The following ZNF783 variants were observed in gnomAD, a reference collection of about 807,000 sequenced individuals.
ZNF783 encodes zinc finger protein 783.
ZNF783 carries 25 observed loss-of-function variants against 31.3 expected under a neutral mutation model. That is an observed-to-expected ratio of 0.80 (90% CI 0.58 to 1.11). The LOEUF is 1.11. ZNF783 is among the 50% of genes most tolerant of loss of function. The pLI is 0.00. For synonymous variants in ZNF783, 369 were observed against 319.1 expected (o/e 1.16, Z -1.66); for missense variants, 797 against 760.0 (o/e 1.05, Z -0.57).
chr7:149,274,757 T>G (rs755609460), intron 4 of ZNF783, among the ~76,000 whole-genome samples: 13 of 152,248 alleles, frequency 8.5e-5, no homozygotes, highest in Non-Finnish European at 1.6e-4. Flanking sequence ...TGTTGTTCTA[T>G]TTGTCTTTTT....
chr7:149,280,421 T>C (rs1348846972), intron 5 of ZNF783, among the ~76,000 whole-genome samples: 1 of 129,294 alleles, frequency 7.7e-6, no homozygotes, highest in African/African-American at 2.9e-5. Context: ...GGGAGTGGGG[T>C]GGGGTTGGGG....
rs1406561647 is a variant in ZNF783 at position 149,284,751 on chromosome 7, C to T, written c.*2408C>T. 1 of 152,204 alleles carries T rather than the reference C, an allele frequency of 6.6e-6. No individual in the cohort carries two copies. Among genetic ancestry groups the T allele is most frequent in the East Asian group, 1.9e-4 (1 of 5,194 alleles). The allele number at this position is 152,204 out of a possible 1,614,324, so 9.4% of individuals were successfully genotyped here. ...CTTGTGAGTTTGCCTAGCACTCAGA[C>T]CTGTTTAAGTAACGTTCTTTACATT... On this transcript the variant is annotated 3_prime_UTR_variant, in exon 6 of 6. Transcript: ENST00000434415.
Position 149,281,673 on chromosome 7 carries a change from G to A in ZNF783, c.971G>A (p.Arg324Gln), listed in dbSNP as rs1364392893. The A allele has an allele frequency of 2.7e-6, 4 of 1,508,192 alleles. No homozygotes were observed. Among genetic ancestry groups the A allele is most frequent in the South Asian group, 1.3e-5 (1 of 76,744 alleles). 93.4% of individuals were successfully genotyped at this position (1,508,192 alleles called of 1,614,324 possible). ...CAGGCCCAGGGCATGCCCAGGGTGCGGGCAGGGGAGCCACGGCCACCGGGG... is the reference window on the plus strand; with the variant it reads ...CAGGCCCAGGGCATGCCCAGGGTGCAGGCAGGGGAGCCACGGCCACCGGGG... ...RHQAQGMPRV[R>Q]AGEPRPPGAS... Residue 324 changes from arginine to glutamine, a missense_variant, in exon 6 of 6, where the codon CGG (arginine) becomes CAG (glutamine). Arg to Gln is a conservative substitution (Grantham distance 43). Coordinates refer to ENST00000434415, the MANE Select transcript of ZNF783 (RefSeq NM_001195220.2).
intron 1 of ZNF783, among the ~76,000 whole-genome samples, chr7:149,265,796 T>G (rs1797048634): frequency 6.6e-6 from 1 of 152,214 alleles, no homozygotes; most frequent in Non-Finnish European, 1.5e-5. Flanking sequence ...CTTAATTCTC[T>G]CAGTGCTATT....
intron 1 of ZNF783, among the ~76,000 whole-genome samples, chr7:149,263,038 C>T (rs1258970570): frequency 6.6e-6 from 1 of 151,946 alleles, no homozygotes; most frequent in African/African-American, 2.4e-5. Flanking sequence ...AAGGGATTCT[C>T]CTGCCTCAGC....
At position 149,266,418 on chromosome 7, in the gene ZNF783, C is replaced by T. The variant is rs114002956; in HGVS notation, c.108C>T (p.Leu36=). ...CAGCTGCTGAGAAGAACTCGTACCT[C>T]TACTCCACGGAAATCACACTGTGGA... The part of the protein sequence containing the change: ...PQPAAEKNSY[L]YSTEITLWTV... Residue 36 remains leucine, a synonymous_variant, in exon 2 of 6, where the codon CTC becomes CTT. Transcript: ENST00000434415. 1 of 1,602,372 alleles carries T rather than the reference C, an allele frequency of 6.2e-7. No homozygotes were observed. The highest frequency in any genetic ancestry group is 8.5e-7 in the Non-Finnish European group (1 of 1,179,860).
In ZNF783 at chr7:149,282,451, A is replaced by T; in HGVS notation, c.*108A>T. 9.9e-7 allele frequency: 1 copy of T among 1,014,608 alleles called. No homozygotes were observed. Among genetic ancestry groups the T allele is most frequent in the Non-Finnish European group, 1.4e-6 (1 of 723,836 alleles). 62.9% of individuals were successfully genotyped at this position (1,014,608 alleles called of 1,614,324 possible). On this transcript the variant is annotated 3_prime_UTR_variant, in exon 6 of 6. Coordinates refer to ENST00000434415, the MANE Select transcript of ZNF783 (RefSeq NM_001195220.2). ...GAGGTTTGTTGTTTTTACCCATTCA[A>T]ATGGGAAGCTAGCTGCCCTTCTGGT...
intron 5 of ZNF783, among the ~76,000 whole-genome samples, chr7:149,281,112 C>A (rs1797456319): frequency 1.3e-5 from 2 of 152,202 alleles, no homozygotes; most frequent in African/African-American, 4.8e-5. Context: ...GGTTCATTGT[C>A]TTTCACAGAT....
At chr7:149,277,766 A>C (rs1797368178) in intron 4 of ZNF783, 1 of 152,142 alleles carries the variant, frequency 6.6e-6, no homozygotes, top group Admixed American at 6.6e-5. Context: ...TTCAAAAAAA[A>C]AAATCAGAGT....
At chr7:149,279,653 T>A (rs1394487236) in intron 5 of ZNF783, among the ~76,000 whole-genome samples, 19 of 143,888 alleles carry the variant, frequency 1.3e-4, no homozygotes, top group Middle Eastern at 3.5e-3. Context: ...TTTTTTTTTT[T>A]TAATTTTTTT....
At chr7:149,274,071 A>G (rs367880187) in intron 4 of ZNF783, among the ~76,000 whole-genome samples, 1 of 152,122 alleles carries the variant, frequency 6.6e-6, no homozygotes, top group African/African-American at 2.4e-5. Context: ...AAGCTTTTTA[A>G]CTTGATGTGA....
At chr7:149,278,178 G>A (rs1797377241) in intron 4 of ZNF783, 3 of 1,333,328 alleles carry the variant, frequency 2.3e-6, no homozygotes, top group South Asian at 1.7e-5. Flanking sequence ...GTGATTTCCT[G>A]TCTGCTGAAT....
intron 4 of ZNF783, among the ~76,000 whole-genome samples, chr7:149,273,272 G>C (rs1023987739): frequency 1.3e-5 from 2 of 152,136 alleles, no homozygotes; most frequent in Non-Finnish European, 2.9e-5. Flanking sequence ...ACTTAGCAGT[G>C]GGGTTTCTGG....
At chr7:149,268,752 T>G (rs1797145332) in intron 4 of ZNF783, among the ~76,000 whole-genome samples, 1 of 152,236 alleles carries the variant, frequency 6.6e-6, no homozygotes, top group South Asian at 2.1e-4. Context: ...GCCTTCAGCT[T>G]CATGTTGCTG....
chr7:149,266,770 C>T (rs979656850), intron 2 of ZNF783, 40 bp downstream of exon 2: 3 of 1,613,518 alleles, frequency 1.9e-6, no homozygotes, highest in Admixed American at 1.7e-5. Flanking sequence ...GCTCGAGGGG[C>T]TGAGCCTGTG....
In ZNF783 at chr7:149,267,104, A is replaced by AG. The variant is rs1305164417; in HGVS notation, c.555_556insG (p.Ile186AspfsTer19). ...TTCTTGTTCTGTGCACAGATTATGC[A>AG]ATCTCCAAACCAGACATCCTCACCC... On this transcript the variant is annotated frameshift_variant, in exon 4 of 6. Coordinates refer to ENST00000434415, the MANE Select transcript of ZNF783 (RefSeq NM_001195220.2). LOFTEE classifies it high-confidence loss of function. The AG allele has an allele frequency of 6.2e-7, 1 of 1,600,506 alleles. No homozygotes were observed. The highest frequency in any genetic ancestry group is 1.7e-5 in the Admixed American group (1 of 60,006).
intron 4 of ZNF783, among the ~76,000 whole-genome samples, chr7:149,276,880 G>A (rs1407139589): frequency 1.3e-5 from 2 of 150,898 alleles, no homozygotes; most frequent in East Asian, 3.9e-4. Context: ...ATGGAGTCTT[G>A]CTCTGTCGCC....
rs1797552280 is a variant in ZNF783 at position 149,284,307 on chromosome 7, C to G, written c.*1964C>G. The G allele has an allele frequency of 6.6e-6, 1 of 152,352 alleles. No individual in the cohort carries two copies. The highest frequency in any genetic ancestry group is 2.4e-5 in the African/African-American group (1 of 41,456). 9.4% of individuals were successfully genotyped at this position (152,352 alleles called of 1,614,324 possible). ...CTGACCCTCACACTTCTTCCAAAGT[C>G]TTGAGCAGAGTTGGGGGCCAATGGT... On this transcript the variant is annotated 3_prime_UTR_variant, in exon 6 of 6. Coordinates refer to ENST00000434415, the MANE Select transcript of ZNF783 (RefSeq NM_001195220.2).
chr7:149,281,880 T>C lies in ZNF783; in HGVS notation c.1178T>C (p.Met393Thr). The C allele has an allele frequency of 6.6e-7, 1 of 1,509,146 alleles. No homozygotes were observed. Among genetic ancestry groups the C allele is most frequent in the South Asian group, 1.3e-5 (1 of 76,426 alleles). The allele number at this position is 1,509,146 out of a possible 1,614,324, so 93.5% of individuals were successfully genotyped here. A position where few individuals can be genotyped will look rare whatever the true frequency, so the allele number is the denominator to read the frequency against. ...SPTSCGDSQAMLEPGEVVVPG... is the reference protein window; with the variant it reads ...SPTSCGDSQATLEPGEVVVPG... The stretch of plus-strand genomic sequence containing the variant: ...ACCAGCTGCGGGGACAGCCAGGCCA[T>C]GCTGGAGCCGGGGGAGGTGGTGGTA... Residue 393 changes from methionine (M) to threonine (T), a missense_variant, in exon 6 of 6, where the codon ATG becomes ACG. Coordinates refer to ENST00000434415, the MANE Select transcript of ZNF783 (RefSeq NM_001195220.2).
Sources: allele counts gnomAD v4.1 joint callset (sites outside exome capture counted in the v4.1 genomes callset), GRCh38; gene constraint gnomAD v4.1.1; transcripts MANE v1.5; gene names NCBI Gene and HGNC (gene_info 2026-07-23, HGNC 2026-07-21).